Variants in C5orf63 observed in about 807,000 individuals in gnomAD.
C5orf63 encodes glutaredoxin-like protein C5orf63.
In C5orf63, 18 loss-of-function variants were observed where a neutral mutation model predicts 13.3. That is an observed-to-expected ratio of 1.36 (90% CI 0.94 to 2.01). The LOEUF is 2.01. C5orf63 is among the 30% of genes most tolerant of loss of function. The probability of loss-of-function intolerance (pLI) is 0.00; values close to 1 mark genes in which losing one functional copy is unlikely to be tolerated. For missense variants in C5orf63, 118 were observed against 127.7 expected, an observed-to-expected ratio of 0.92 and a Z score of 0.36; for synonymous variants, 38 against 44.7, an observed-to-expected ratio of 0.85 and a Z score of 0.60.
chr5:127,053,256 T>C (rs1753751875), intron 3 of C5orf63, among the ~76,000 whole-genome samples: 1 of 152,186 alleles, frequency 6.6e-6, no homozygotes, highest in Non-Finnish European at 1.5e-5. Flanking sequence ...CCTGGACAAA[T>C]TCTCCACCTG....
chr5:127,056,219 C>G (rs1387217113), intron 3 of C5orf63, among the ~76,000 whole-genome samples: 1 of 152,176 alleles, frequency 6.6e-6, no homozygotes, highest in Non-Finnish European at 1.5e-5. Flanking sequence ...ATGGGCCAAT[C>G]AGAGCCAGTG....
chr5:127,062,241 TAA>T (rs1454166070), intron 2 of C5orf63, among the ~76,000 whole-genome samples: 1 of 152,200 alleles, frequency 6.6e-6, no homozygotes, highest in African/African-American at 2.4e-5. Flanking sequence ...CAGAGCTAAG[TAA>T]AGTCTTCAGT....
At chr5:127,068,364 T>C (rs2126901379) in intron 2 of C5orf63, among the ~76,000 whole-genome samples, 1 of 152,268 alleles carries the variant, frequency 6.6e-6, no homozygotes, top group Admixed American at 6.5e-5. Flanking sequence ...AGTGTAAAGA[T>C]ACTTGTTCAC....
intron 2 of C5orf63, among the ~76,000 whole-genome samples, chr5:127,063,498 T>C (rs1320814348): frequency 6.6e-6 from 1 of 152,142 alleles, no homozygotes; most frequent in South Asian, 2.1e-4. Flanking sequence ...CTCACTTGAG[T>C]AGAGAAACTG....
downstream of C5orf63, among the ~76,000 whole-genome samples, chr5:127,049,657 C>T (rs969105582): frequency 2.6e-5 from 4 of 152,224 alleles, no homozygotes; most frequent in African/African-American, 9.6e-5. Flanking sequence ...TGCTTCAATG[C>T]TGTAAGGACT....
chr5:127,066,976 T>C (rs1312075665), intron 2 of C5orf63, among the ~76,000 whole-genome samples: 1 of 152,176 alleles, frequency 6.6e-6, no homozygotes, highest in Non-Finnish European at 1.5e-5. Context: ...TGATGAGGGC[T>C]TGTCTAGAAC....
Position 127,051,809 on chromosome 5 carries a change from G to T in C5orf63, c.310C>A (p.Gln104Lys). The T allele has an allele frequency of 2.0e-6, 3 of 1,531,294 alleles. No individual in the cohort carries two copies. Among genetic ancestry groups the T allele is most frequent in the Non-Finnish European group, 1.7e-6 (2 of 1,144,758 alleles). 94.9% of individuals were successfully genotyped at this position (1,531,294 alleles called of 1,614,324 possible). A position where few individuals can be genotyped will look rare whatever the true frequency, so the allele number is the denominator to read the frequency against. Residue 104 changes from glutamine (Q) to lysine (K), a missense_variant, in exon 5 of 5, where the codon CAG (glutamine) becomes AAG (lysine). Coordinates refer to ENST00000296662, the MANE Select transcript of C5orf63 (RefSeq NM_001164478.2). ...HRVNTSKLEKQLLKLEQQSTG... is the reference protein window; with the variant it reads ...HRVNTSKLEKKLLKLEQQSTG... ...CTTTGCTGCTCAAGTTTCAGGAGCT[G>T]TTTTTCAAGTTTTGAGGTGTTTACT...
chr5:127,052,378 T>C (rs1204916495), intron 4 of C5orf63: 5 of 384,246 alleles, frequency 1.3e-5, no homozygotes, highest in Non-Finnish European at 2.3e-5. Flanking sequence ...CACCTGCTAG[T>C]TAACTTTGAC....
chr5:127,050,316 A>G (rs1753629157), downstream of C5orf63, among the ~76,000 whole-genome samples: 1 of 152,088 alleles, frequency 6.6e-6, no homozygotes. Flanking sequence ...AAACACTGCT[A>G]TTCAATTGCT....
chr5:127,064,987 A>C (rs1221779218), intron 2 of C5orf63, among the ~76,000 whole-genome samples: 2 of 152,002 alleles, frequency 1.3e-5, no homozygotes, highest in Admixed American at 1.3e-4. Flanking sequence ...TTAAGCCATT[A>C]ATTTTTTTTT....
intron 2 of C5orf63, among the ~76,000 whole-genome samples, chr5:127,067,401 C>A (rs1422857964): frequency 6.6e-6 from 1 of 151,998 alleles, no homozygotes; most frequent in African/African-American, 2.4e-5. Context: ...TGCGGAATTG[C>A]AAAACTGAAA....
At chr5:127,043,518 C>T (rs541342484), downstream of C5orf63, 6 of 152,288 alleles carry the variant, frequency 3.9e-5, no homozygotes, top group South Asian at 1.2e-3. Context: ...AAGGCTGATA[C>T]TAAAAGTCAG....
downstream of C5orf63, among the ~76,000 whole-genome samples, chr5:127,049,959 G>T (rs1753617834): frequency 6.6e-6 from 1 of 152,208 alleles, no homozygotes; most frequent in African/African-American, 2.4e-5. Flanking sequence ...GAATTACTCA[G>T]TTCCCAGAGG....
intron 2 of C5orf63, among the ~76,000 whole-genome samples, chr5:127,065,099 G>A (rs968565456): frequency 1.3e-5 from 2 of 151,988 alleles, no homozygotes; most frequent in Admixed American, 6.5e-5. Flanking sequence ...AGAATAACAA[G>A]ATGTATTTCA....
intron 3 of C5orf63, 38 bp downstream of exon 3, chr5:127,058,844 C>T: frequency 7.4e-7 from 1 of 1,344,252 alleles, no homozygotes; most frequent in East Asian, 2.5e-5. Flanking sequence ...AAATGTACAA[C>T]TTTCTTCACC....
chr5:127,052,879 TTTGG>T (rs1302591116), intron 3 of C5orf63, among the ~76,000 whole-genome samples: 2 of 152,238 alleles, frequency 1.3e-5, no homozygotes, highest in African/African-American at 4.8e-5. Flanking sequence ...TGTGCATTTT[TTTGG>T]TTGTTTTGTT....
At position 127,051,495 on chromosome 5, in the gene C5orf63, A is replaced by C; in HGVS notation, c.*276T>G. 1 of 1,235,620 alleles carries C rather than the reference A, an allele frequency of 8.1e-7. No individual in the cohort carries two copies. Among genetic ancestry groups the C allele is most frequent in the Non-Finnish European group, 1.0e-6 (1 of 990,238 alleles). 76.5% of individuals were successfully genotyped at this position (1,235,620 alleles called of 1,614,324 possible). On this transcript the variant is annotated 3_prime_UTR_variant, in exon 5 of 5. Coordinates refer to ENST00000296662, the MANE Select transcript of C5orf63 (RefSeq NM_001164478.2). The stretch of plus-strand genomic sequence containing the variant: ...CTGTGAAGTGCTTCTCTATTAATAC[A>C]AAAAGGATAAATAAGACAAATGGAC...
intron 3 of C5orf63, among the ~76,000 whole-genome samples, chr5:127,053,356 TTTTA>T (rs1288014177): frequency 2.0e-5 from 3 of 150,572 alleles, no homozygotes; most frequent in Admixed American, 6.6e-5. Flanking sequence ...CGTCGGCAGA[TTTTA>T]TTTATTTTAT....
intron 2 of C5orf63, among the ~76,000 whole-genome samples, chr5:127,066,149 C>T (rs1251143829): frequency 6.6e-6 from 1 of 151,790 alleles, no homozygotes; most frequent in Non-Finnish European, 1.5e-5. Context: ...GATTGTATGG[C>T]TTAAGCAGAG....
Sources: gnomAD v4.1 joint callset for allele counts (sites outside exome capture counted in the v4.1 genomes callset) on GRCh38, gnomAD v4.1.1 for gene constraint, MANE v1.5 for transcripts, NCBI Gene and HGNC (gene_info 2026-07-23, HGNC 2026-07-21) for gene names.